TRIM72: variants seen among roughly 807,000 people sequenced by gnomAD.
TRIM72 encodes the protein tripartite motif containing 72, also known as tripartite motif-containing protein 72.
Under a neutral mutation model 31.6 loss-of-function variants are expected in TRIM72, and 33 were observed. That is an observed-to-expected ratio of 1.04 (90% CI 0.79 to 1.40). The LOEUF (loss-of-function observed/expected upper bound fraction) is 1.40. Ranked by LOEUF, TRIM72 falls within the 40% of genes most tolerant of loss-of-function variation. The pLI is 0.00. For synonymous variants in TRIM72, 301 were observed against 314.4 expected (o/e 0.96, Z 0.45); for missense variants, 666 against 682.7 (o/e 0.98, Z 0.27).
rs1596946201 is a variant in TRIM72, at chr16:31,228,625, G to C, written c.*3870G>C. 1 of 150,246 alleles carries C rather than the reference G, an allele frequency of 6.7e-6. No homozygotes were observed. Among genetic ancestry groups the C allele is most frequent in the Admixed American group, 6.8e-5 (1 of 14,762 alleles). 9.3% of individuals were successfully genotyped at this position (150,246 alleles called of 1,614,324 possible). Reference sequence around the variant, plus strand: ...CTTGCTCTGTCGCCCAGGCTGGAGTGCAATGGTGCTATCTCAGCTCACTGC... The same window carrying C: ...CTTGCTCTGTCGCCCAGGCTGGAGTCCAATGGTGCTATCTCAGCTCACTGC... On this transcript the variant is annotated 3_prime_UTR_variant, in exon 7 of 7. Transcript: ENST00000322122.
At chr16:31,223,169 C>T (rs911708948) in intron 6 of TRIM72, among the ~76,000 whole-genome samples, 1 of 152,174 alleles carries the variant, frequency 6.6e-6, no homozygotes, top group African/African-American at 2.4e-5. Flanking sequence ...AATGCTGCTG[C>T]TGTTGGTGGC....
intron 5 of TRIM72, 98 bp downstream of exon 5, chr16:31,221,016 C>G: frequency 6.8e-7 from 1 of 1,467,604 alleles, no homozygotes; most frequent in South Asian, 1.1e-5. Context: ...CCTGCACACC[C>G]GCAATTCAGT....
chr16:31,224,454 A>G lies in TRIM72; in HGVS notation c.1133A>G (p.Gln378Arg). ...RRGRLHAVPS[Q>R]GLWLLGLREG... The stretch of plus-strand genomic sequence containing the variant: ...GGGCGCCTGCACGCGGTGCCCTCGC[A>G]GGGCCTGTGGCTGCTGGGGCTGCGC... Residue 378 changes from glutamine (Q) to arginine (R), a missense_variant, in exon 7 of 7, where the codon CAG (glutamine) becomes CGG (arginine). Transcript: ENST00000322122. 6.9e-7 allele frequency: 1 copy of G among 1,452,198 alleles called. No homozygotes were observed. Among genetic ancestry groups the G allele is most frequent in the Non-Finnish European group, 9.0e-7 (1 of 1,115,152 alleles). 90.0% of individuals were successfully genotyped at this position (1,452,198 alleles called of 1,614,324 possible).
rs1256134524 is a variant in TRIM72 at position 31,228,878 on chromosome 16, C to T, written c.*4123C>T. 1 of 152,380 alleles carries T rather than the reference C, an allele frequency of 6.6e-6. No homozygotes were observed. The highest frequency in any genetic ancestry group is 1.5e-5 in the Non-Finnish European group (1 of 68,186). The allele number at this position is 152,380 out of a possible 1,614,324, so 9.4% of individuals were successfully genotyped here. A position where few individuals can be genotyped will look rare whatever the true frequency, so the allele number is the denominator to read the frequency against. On this transcript the variant is annotated 3_prime_UTR_variant, in exon 7 of 7. Transcript: ENST00000322122. ...GGATTACAGGCATGAGCTGTCGGGCCTGGCCCCTGCACTTCTTTTTTAGGA... is the reference window on the plus strand; with the variant it reads ...GGATTACAGGCATGAGCTGTCGGGCTTGGCCCCTGCACTTCTTTTTTAGGA...
At chr16:31,223,181 CG>C (rs964930661) in intron 6 of TRIM72, among the ~76,000 whole-genome samples, 2 of 152,158 alleles carry the variant, frequency 1.3e-5, no homozygotes, top group Non-Finnish European at 2.9e-5. Context: ...GTTGGTGGCA[CG>C]GGACGCTGGG....
chr16:31,224,467 G>A lies in TRIM72; in HGVS notation c.1146G>A (p.Leu382=). The A allele has an allele frequency of 6.8e-7, 1 of 1,471,348 alleles. No individual in the cohort carries two copies. The highest frequency in any genetic ancestry group is 8.9e-7 in the Non-Finnish European group (1 of 1,122,598). 91.1% of individuals were successfully genotyped at this position (1,471,348 alleles called of 1,614,324 possible). A position where few individuals can be genotyped will look rare whatever the true frequency, so the allele number is the denominator to read the frequency against. ...LHAVPSQGLW[L]LGLREGKILE... Reference sequence around the variant, plus strand: ...CGGTGCCCTCGCAGGGCCTGTGGCTGCTGGGGCTGCGCGAGGGCAAGATCC... The same window carrying A: ...CGGTGCCCTCGCAGGGCCTGTGGCTACTGGGGCTGCGCGAGGGCAAGATCC... Residue 382 remains leucine, a synonymous_variant, in exon 7 of 7, where the codon CTG becomes CTA. Transcript: ENST00000322122.
rs777546373 is a variant in TRIM72 at position 31,215,125 on chromosome 16, C to G, written c.387C>G (p.Leu129=). The change falls in exon 2 of 7, where the codon CTC becomes CTG. Residue 129 remains leucine (L), a synonymous_variant. Transcript: ENST00000322122. This position sits in a 1 kb window ranked among gnomAD's most constrained non-coding sequence, Gnocchi z 6.3. ...CTGCCGCCGAGGCCCACGCACGCCT[C>G]AAGGTGCGGGATCCGCGCGCATCGT... ...LLPAAEAHAR[L]KTQLPQQKLQ... 46 of 1,439,430 alleles carry G rather than the reference C, an allele frequency of 3.2e-5. No individual in the cohort carries two copies. Among genetic ancestry groups the G allele is most frequent in the Non-Finnish European group, 4.0e-5 (44 of 1,105,552 alleles). 89.2% of individuals were successfully genotyped at this position (1,439,430 alleles called of 1,614,324 possible). A position where few individuals can be genotyped will look rare whatever the true frequency, so the allele number is the denominator to read the frequency against.
Position 31,229,669 on chromosome 16 carries a change from C to T in TRIM72, c.*4914C>T, listed in dbSNP as rs2079564370. 6.6e-6 allele frequency: 1 copy of T among 152,234 alleles called. No individual in the cohort carries two copies. Among genetic ancestry groups the T allele is most frequent in the African/African-American group, 2.4e-5 (1 of 41,466 alleles). The allele number at this position is 152,234 out of a possible 1,614,324, so 9.4% of individuals were successfully genotyped here. A position where few individuals can be genotyped will look rare whatever the true frequency, so the allele number is the denominator to read the frequency against. ...AGCGTCCCCTCCGTGAGTCCCTCCT[C>T]TCCACGGGAACGCTGGAAACCCCCA... On this transcript the variant is annotated 3_prime_UTR_variant, in exon 7 of 7. Transcript: ENST00000322122.
At chr16:31,220,446 T>C (rs967751721) in intron 4 of TRIM72, among the ~76,000 whole-genome samples, 3 of 140,880 alleles carry the variant, frequency 2.1e-5, no homozygotes, top group East Asian at 4.3e-4. Flanking sequence ...GAGTTCTAGG[T>C]CTCTTTTGCG....
chr16:31,220,761 T>C, intron 4 of TRIM72, 135 bp from the exon 5 acceptor site: 1 of 1,192,222 alleles, frequency 8.4e-7, no homozygotes, highest in East Asian at 2.4e-5. Flanking sequence ...ATGAGCCACC[T>C]CGTCTGGCCT....
chr16:31,215,512 G>T lies in TRIM72; in HGVS notation c.390+384G>T, dbSNP rs1489084826. Among the ~76,000 whole-genome samples the T allele has an allele frequency of 6.6e-6, 1 of 152,182 alleles. No homozygotes were observed. The highest frequency in any genetic ancestry group is 2.4e-5 in the African/African-American group (1 of 41,448). ...CTCGCATTCCTGCACCCGGTGGGCC[G>T]TTCGGGCTGGCTCCCTGCTCGGCGC... On this transcript the variant is annotated intron_variant, in intron 2 of 6. Coordinates refer to ENST00000322122, the MANE Select transcript of TRIM72 (RefSeq NM_001008274.4). The surrounding 1 kb of genome is among the most constrained non-coding windows in gnomAD (Gnocchi z 6.3).
rs1279767388 is a variant in TRIM72, at chr16:31,216,426, AAAAAAAC to A, written c.390+1309_390+1315del. On this transcript the variant is annotated intron_variant, in intron 2 of 6. Transcript: ENST00000322122. This position sits in a 1 kb window ranked among gnomAD's most constrained non-coding sequence, Gnocchi z 6.7. ...TGCAATAAATCTTGCTGCCGCTAAA[AAAAAAAC>A]AAAAAACAAACAAACAAAAAAAACC... 1 of 325,374 alleles carries A rather than the reference AAAAAAAC, an allele frequency of 3.1e-6. No homozygotes were observed. The highest frequency in any genetic ancestry group is 5.6e-6 in the Non-Finnish European group (1 of 177,642). 20.2% of individuals were successfully genotyped at this position (325,374 alleles called of 1,614,324 possible). A position where few individuals can be genotyped will look rare whatever the true frequency, so the allele number is the denominator to read the frequency against.
In TRIM72 at chr16:31,223,173, T is replaced by G. The variant is rs538283569; in HGVS notation, c.859+228T>G. ...ACTGACATGAAAATGCTGCTGCTGT[T>G]GGTGGCACGGGACGCTGGGGCCTAG... is the stretch of plus-strand genomic sequence containing the variant. On this transcript the variant is annotated intron_variant, in intron 6 of 6. Coordinates refer to ENST00000322122, the MANE Select transcript of TRIM72 (RefSeq NM_001008274.4). 5.9e-5 allele frequency among the ~76,000 whole-genome samples: 9 copies of G among 152,312 alleles called. No homozygotes were observed. The South Asian group carries it at 1.9e-3, about 32-fold the overall frequency.
At chr16:31,222,354 C>G (rs749123002) in intron 5 of TRIM72, among the ~76,000 whole-genome samples, 2 of 147,886 alleles carry the variant, frequency 1.4e-5, no homozygotes, top group South Asian at 4.3e-4. Flanking sequence ...GATCATGCCA[C>G]TACACCCCAG....
At chr16:31,220,537 C>T (rs549327395) in intron 4 of TRIM72, among the ~76,000 whole-genome samples, 2 of 115,678 alleles carry the variant, frequency 1.7e-5, no homozygotes, top group East Asian at 3.0e-4. Flanking sequence ...GGCATGACTT[C>T]GGCTCACTGA....
rs368172108 is a variant in TRIM72 at position 31,219,269 on chromosome 16, T to C, written c.487-20T>C. On this transcript the variant is annotated intron_variant, in intron 3 of 6. Coordinates refer to ENST00000322122, the MANE Select transcript of TRIM72 (RefSeq NM_001008274.4). This position sits in a 1 kb window ranked among gnomAD's most constrained non-coding sequence, Gnocchi z 4.2. ...CAGCCAAGAGTCTTTATCCCTTCAA[T>C]CACTGCCCCATCCCTGCAGGAGACA... 18 of 1,613,966 alleles carry C rather than the reference T, an allele frequency of 1.1e-5. No individual in the cohort carries two copies. The highest frequency in any genetic ancestry group is 1.4e-5 in the Non-Finnish European group (17 of 1,179,994).
Position 31,216,622 on chromosome 16 carries a change from C to G in TRIM72, c.390+1494C>G, listed in dbSNP as rs2079509907. ...GCCCTTCGCCCCCGGGAGGGGCTGG[C>G]CGGAGGTCTGAGGGAGGACCCCAGG... On this transcript the variant is annotated intron_variant, in intron 2 of 6. Coordinates refer to ENST00000322122, the MANE Select transcript of TRIM72 (RefSeq NM_001008274.4). The surrounding 1 kb of genome is among the most constrained non-coding windows in gnomAD (Gnocchi z 6.7). 9.4e-7 allele frequency: 1 copy of G among 1,066,140 alleles called. No individual in the cohort carries two copies. The highest frequency in any genetic ancestry group is 2.4e-5 in the Admixed American group (1 of 41,992). 66.0% of individuals were successfully genotyped at this position (1,066,140 alleles called of 1,614,324 possible). A position where few individuals can be genotyped will look rare whatever the true frequency, so the allele number is the denominator to read the frequency against.
rs200448538 is a variant in TRIM72, at chr16:31,220,949, C to T, written c.740+31C>T. On this transcript the variant is annotated intron_variant, in intron 5 of 6. Coordinates refer to ENST00000322122, the MANE Select transcript of TRIM72 (RefSeq NM_001008274.4). ...AGCAACCTGGCCCTGTCCCTTTGCCCGACTTGTCCCAGTCTTCTAGGGACA... is the reference window on the plus strand; with the variant it reads ...AGCAACCTGGCCCTGTCCCTTTGCCTGACTTGTCCCAGTCTTCTAGGGACA... The T allele has an allele frequency of 2.1e-4, 337 of 1,614,044 alleles. 1 individual carries two copies. In the African/African-American group the frequency reaches 3.5e-3, roughly 17 times the overall value.
chr16:31,215,000 G>C lies in TRIM72; in HGVS notation c.262G>C (p.Glu88Gln). The C allele has an allele frequency of 1.3e-6, 2 of 1,501,066 alleles. No individual in the cohort carries two copies. 93.0% of individuals were successfully genotyped at this position (1,501,066 alleles called of 1,614,324 possible). A position where few individuals can be genotyped will look rare whatever the true frequency, so the allele number is the denominator to read the frequency against. The change falls in exon 2 of 7, where the codon GAG becomes CAG. Residue 88 changes from glutamate (E) to glutamine (Q), a missense_variant. By Grantham distance (29) the Glu-to-Gln change is conservative. Transcript: ENST00000322122. Reference sequence around the variant, plus strand: ...CCAGGTGCCGCAGGGCCACTGCGAGGAGCACCTGGACCCGCTGAGCATCTA... The same window carrying C: ...CCAGGTGCCGCAGGGCCACTGCGAGCAGCACCTGGACCCGCTGAGCATCTA... ...LAQVPQGHCE[E>Q]HLDPLSIYCE... is the part of the protein sequence containing the mutation.
Sources: gnomAD v4.1 joint callset for allele counts (sites outside exome capture counted in the v4.1 genomes callset) on GRCh38, gnomAD v4.1.1 for gene constraint, Gnocchi (gnomAD v3.1) non-coding constraint, MANE v1.5 for transcripts, NCBI Gene and HGNC (gene_info 2026-07-23, HGNC 2026-07-21) for gene names.